Variants in CNNM4 observed in about 807,000 individuals in gnomAD.
CNNM4 encodes the protein cyclin and CBS domain divalent metal cation transport mediator 4.
CNNM4 carries 32 observed loss-of-function variants against 53.7 expected under a neutral mutation model. The ratio of observed to expected loss-of-function variants is 0.60; its 90% confidence interval spans 0.45 to 0.80. CNNM4 has a LOEUF of 0.80. Ranked by LOEUF, CNNM4 falls within the 30% of genes least tolerant of loss-of-function variation. The pLI, the probability that CNNM4 is intolerant of heterozygous loss-of-function variation, is 0.00. For synonymous variants in CNNM4, 410 were observed against 440.0 expected (o/e 0.93, Z 0.85); for missense variants, 784 against 1,022.0 (o/e 0.77, Z 3.17).
intron 5 of CNNM4, among the ~76,000 whole-genome samples, chr2:96,807,331 G>C (rs1243181625): frequency 6.6e-6 from 1 of 152,140 alleles, no homozygotes; most frequent in Non-Finnish European, 1.5e-5. Context: ...AGAGGTGACA[G>C]GGCTGGCAGG....
chr2:96,772,769 G>A, intron 1 of CNNM4, among the ~76,000 whole-genome samples: 1 of 138,498 alleles, frequency 7.2e-6, no homozygotes, highest in Non-Finnish European at 1.5e-5. Flanking sequence ...ATAGGCACAG[G>A]CAGGCGCTCA....
chr2:96,805,439 T>TTTTTTTTTTTTTTTTTA (rs397868328), intron 5 of CNNM4, among the ~76,000 whole-genome samples: 2 of 129,322 alleles, frequency 1.5e-5, no homozygotes, highest in Non-Finnish European at 1.6e-5. Flanking sequence ...TTTTTTTTTT[T>TTTTTTTTTTTTTTTTTA]ATTATTTTTT....
rs1273286011 is a variant in CNNM4, at chr2:96,808,139, C to T, written c.1949-422C>T. Among the ~76,000 whole-genome samples the T allele has an allele frequency of 4.6e-5, 7 of 152,098 alleles. No individual in the cohort carries two copies. Among genetic ancestry groups the T allele is most frequent in the Admixed American group, 1.3e-4 (2 of 15,274 alleles). ...CTGACCTCAGGTCATCCTCCTGCCT[C>T]GGCCTCCCAAAGTGCTGGGATTACA... On this transcript the variant is annotated intron_variant, in intron 5 of 6. Transcript: ENST00000377075. This position sits in a 1 kb window ranked among gnomAD's most constrained non-coding sequence, Gnocchi z 4.9.
Position 96,761,416 on chromosome 2 carries a change from C to A in CNNM4, c.417C>A (p.Leu139=). 1.2e-6 allele frequency: 2 copies of A among 1,614,102 alleles called. No homozygotes were observed. Among genetic ancestry groups the A allele is most frequent in the Non-Finnish European group, 1.7e-6 (2 of 1,180,018 alleles). The change falls in exon 1 of 7, where the codon CTC becomes CTA. Residue 139 remains leucine, a synonymous_variant. Transcript: ENST00000377075. The surrounding 1 kb of genome is among the most constrained non-coding windows in gnomAD (Gnocchi z 6.0). The part of the protein sequence containing the change: ...SGVLVVLTKF[L]RRSESMKLYA... ...TGCTGGTGGTGCTCACCAAGTTCCT[C>A]CGGAGGAGCGAGAGCATGAAGCTGT...
At chr2:96,774,461 G>A (rs540518329) in intron 1 of CNNM4, among the ~76,000 whole-genome samples, 10 of 152,258 alleles carry the variant, frequency 6.6e-5, no homozygotes, top group African/African-American at 2.4e-4. Context: ...AACGAACAGG[G>A]GAAATGCCTG....
In CNNM4 at chr2:96,767,867, C is replaced by T. The variant is rs377076718; in HGVS notation, c.1402+5466C>T. Among the ~76,000 whole-genome samples the T allele has an allele frequency of 1.4e-4, 22 of 152,280 alleles. No homozygotes were observed. In the East Asian group the frequency reaches 3.1e-3, roughly 21 times the overall value. ...GGTGGGTCACTTGAGGCTAGGAGTTCGAGACCAGCCTGGCCAACATGGCAA... is the reference window on the plus strand; with the variant it reads ...GGTGGGTCACTTGAGGCTAGGAGTTTGAGACCAGCCTGGCCAACATGGCAA... On this transcript the variant is annotated intron_variant, in intron 1 of 6. Transcript: ENST00000377075.
chr2:96,811,131 AC>A lies in CNNM4; in HGVS notation c.*1616del, dbSNP rs1297689343. The A allele has an allele frequency of 6.6e-6, 1 of 152,226 alleles. No individual in the cohort carries two copies. Among genetic ancestry groups the A allele is most frequent in the Non-Finnish European group, 1.5e-5 (1 of 68,072 alleles). The allele number at this position is 152,226 out of a possible 1,614,324, so 9.4% of individuals were successfully genotyped here. A position where few individuals can be genotyped will look rare whatever the true frequency, so the allele number is the denominator to read the frequency against. On this transcript the variant is annotated 3_prime_UTR_variant, in exon 7 of 7. Coordinates refer to ENST00000377075, the MANE Select transcript of CNNM4 (RefSeq NM_020184.4). ...CTCTTAGGACCAGGGATTGTCTTGC[AC>A]CAAGTATGCCTACCCCTGGCCAGTC...
rs558782506 is a variant in CNNM4, at chr2:96,785,827, C to T, written c.1403-11185C>T. 4.0e-5 allele frequency among the ~76,000 whole-genome samples: 6 copies of T among 149,854 alleles called. No individual in the cohort carries two copies. In the South Asian group the frequency reaches 8.5e-4, roughly 21 times the overall value. On this transcript the variant is annotated intron_variant, in intron 1 of 6. Coordinates refer to ENST00000377075, the MANE Select transcript of CNNM4 (RefSeq NM_020184.4). ...TCTAAAAAAAGATAAAAATGCCAGGCGCAGTGGCTCACGCACTTTGGGAGG... is the reference window on the plus strand; with the variant it reads ...TCTAAAAAAAGATAAAAATGCCAGGTGCAGTGGCTCACGCACTTTGGGAGG...
chr2:96,798,774 A>T (rs1472672847), intron 3 of CNNM4, among the ~76,000 whole-genome samples: 2 of 152,140 alleles, frequency 1.3e-5, no homozygotes, highest in African/African-American at 4.8e-5. Context: ...CATATTACAG[A>T]TGAGGAAACT....
chr2:96,788,984 C>CT (rs11346715), intron 1 of CNNM4: 1 of 152,204 alleles, frequency 6.6e-6, no homozygotes, highest in Non-Finnish European at 1.5e-5. Flanking sequence ...GCTGTAAAGT[C>CT]TTTTTTTATG....
At position 96,799,172 on chromosome 2, in the gene CNNM4, C is replaced by T. The variant is rs1396610586; in HGVS notation, c.1797C>T (p.Arg599=). 3.1e-6 allele frequency: 5 copies of T among 1,614,094 alleles called. No individual in the cohort carries two copies. The highest frequency in any genetic ancestry group is 4.2e-6 in the Non-Finnish European group (5 of 1,180,032). ...ACGAGCACAATAAGTACTACGCCCG[C>T]CATTACCTGTACACCCGAAATAAGC... is the stretch of plus-strand genomic sequence containing the variant. ...KFDEHNKYYA[R]HYLYTRNKPA... Residue 599 remains arginine, a synonymous_variant, in exon 4 of 7, where the codon CGC becomes CGT. Coordinates refer to ENST00000377075, the MANE Select transcript of CNNM4 (RefSeq NM_020184.4).
intron 1 of CNNM4, among the ~76,000 whole-genome samples, chr2:96,794,229 T>C (rs2079084655): frequency 6.6e-6 from 1 of 152,166 alleles, no homozygotes; most frequent in Admixed American, 6.5e-5. Context: ...CCAGTTTCCC[T>C]TTGTTCTCCT....
chr2:96,785,488 T>A (rs1349376665), intron 1 of CNNM4, among the ~76,000 whole-genome samples: 1 of 151,092 alleles, frequency 6.6e-6, no homozygotes, highest in Non-Finnish European at 1.5e-5. Flanking sequence ...AATACGAAAG[T>A]TGGCCAGGCA....
chr2:96,804,437 T>C (rs562113483), intron 5 of CNNM4, among the ~76,000 whole-genome samples: 1 of 147,798 alleles, frequency 6.8e-6, no homozygotes, highest in Admixed American at 6.7e-5. Context: ...GTCTTGACCC[T>C]GTCGCCCAGG....
Position 96,809,529 on chromosome 2 carries a change from G to C in CNNM4, c.*12G>C. 6.2e-7 allele frequency: 1 copy of C among 1,613,746 alleles called. No homozygotes were observed. The highest frequency in any genetic ancestry group is 8.5e-7 in the Non-Finnish European group (1 of 1,179,726). ...AGAATGCCATCTGACAGGAGGGCCCGGGGCCCCCTGCCCACCCTGCGGGGG... is the reference window on the plus strand; with the variant it reads ...AGAATGCCATCTGACAGGAGGGCCCCGGGCCCCCTGCCCACCCTGCGGGGG... On this transcript the variant is annotated 3_prime_UTR_variant, in exon 7 of 7. Coordinates refer to ENST00000377075, the MANE Select transcript of CNNM4 (RefSeq NM_020184.4).
At chr2:96,774,453 C>T (rs1393738487) in intron 1 of CNNM4, among the ~76,000 whole-genome samples, 2 of 152,002 alleles carry the variant, frequency 1.3e-5, no homozygotes, top group Admixed American at 1.3e-4. Context: ...AAAAAAAGAA[C>T]GAACAGGGGA....
intron 1 of CNNM4, among the ~76,000 whole-genome samples, chr2:96,780,513 G>A (rs2257291): frequency 2.0e-3 from 299 of 151,384 alleles, no homozygotes; most frequent in South Asian, 4.2e-3. Flanking sequence ...TCCCGCCTTG[G>A]CCTCCCAAAT....
intron 1 of CNNM4, among the ~76,000 whole-genome samples, chr2:96,769,563 C>CAA (rs1198986708): frequency 4.7e-5 from 3 of 63,688 alleles, no homozygotes; most frequent in East Asian, 4.8e-4. Flanking sequence ...GACTCTGTCT[C>CAA]AAAAAAAAAA....
chr2:96,769,265 C>T (rs1031771208), intron 1 of CNNM4, among the ~76,000 whole-genome samples: 5 of 148,016 alleles, frequency 3.4e-5, no homozygotes, highest in Non-Finnish European at 7.4e-5. Context: ...AAAAAGGAGT[C>T]GGCCAAGAGC....
Sources: allele counts gnomAD v4.1 joint callset (sites outside exome capture counted in the v4.1 genomes callset), GRCh38; gene constraint gnomAD v4.1.1; non-coding constraint Gnocchi (gnomAD v3.1); transcripts MANE v1.5; gene names NCBI Gene and HGNC (gene_info 2026-07-23, HGNC 2026-07-21).